The following THSD7A variants were observed in gnomAD, a reference collection of about 807,000 sequenced individuals.
THSD7A encodes thrombospondin type 1 domain containing 7A.
Under a neutral mutation model 231.3 loss-of-function variants are expected in THSD7A, and 96 were observed. That is an observed-to-expected ratio of 0.41 (90% CI 0.35 to 0.49). THSD7A has a LOEUF of 0.49. Ranked by LOEUF, THSD7A falls within the 20% of genes least tolerant of loss-of-function variation. The pLI, the probability that THSD7A is intolerant of heterozygous loss-of-function variation, is 0.05. For missense variants in THSD7A, 2,290 were observed against 2,070.2 expected (o/e 1.11, Z -2.06); for synonymous variants, 940 against 743.3 (o/e 1.26, Z -4.30).
chr7:11,611,840 G>A lies in THSD7A; in HGVS notation c.1023-18338C>T, dbSNP rs868058483. 4.4e-3 allele frequency among the ~76,000 whole-genome samples: 607 copies of A among 139,522 alleles called. 2 individuals carry two copies. The highest frequency in any genetic ancestry group is 6.9e-3 in the Non-Finnish European group (449 of 65,096). 91.5% of individuals were successfully genotyped at this position (139,522 alleles called of 152,430 possible). A position where few individuals can be genotyped will look rare whatever the true frequency, so the allele number is the denominator to read the frequency against. ...CACACACACACACACACTATCATCT[G>A]TCTATCTATCTATCTATCTATCTAT... On this transcript the variant is annotated intron_variant, in intron 2 of 27. Coordinates refer to ENST00000423059, the MANE Select transcript of THSD7A (RefSeq NM_015204.3).
At chr7:11,764,761 G>A (rs1004502334) in intron 1 of THSD7A, among the ~76,000 whole-genome samples, 11 of 151,946 alleles carry the variant, frequency 7.2e-5, no homozygotes, top group African/African-American at 2.7e-4. Context: ...ATATTACTTG[G>A]AAGACTTCAA....
chr7:11,832,042 A>G lies in THSD7A; in HGVS notation c.-96T>C. ...CGTCTTTTCAAAGAGTACAGAAAGC[A>G]AAGCTCTTTCCTGCTATTGTTCGCT... On this transcript the variant is annotated 5_prime_UTR_variant, in exon 1 of 28. Transcript: ENST00000423059. 1.2e-6 allele frequency: 1 copy of G among 842,356 alleles called. No homozygotes were observed. The allele number at this position is 842,356 out of a possible 1,614,324, so 52.2% of individuals were successfully genotyped here.
Position 11,371,204 on chromosome 7 carries a change from C to A in THSD7A, c.*4590G>T, listed in dbSNP as rs1052342265. The A allele has an allele frequency of 2.0e-5, 3 of 152,090 alleles. No individual in the cohort carries two copies. The highest frequency in any genetic ancestry group is 4.4e-5 in the Non-Finnish European group (3 of 68,026). 9.4% of individuals were successfully genotyped at this position (152,090 alleles called of 1,614,324 possible). On this transcript the variant is annotated 3_prime_UTR_variant, in exon 28 of 28. Transcript: ENST00000423059. ...TGTAGACATAACCATTTTTCATTGT[C>A]CCTGCTAGATATAAAATTATTATAA... is the stretch of plus-strand genomic sequence containing the variant.
At chr7:11,741,481 T>G (rs1390295235) in intron 1 of THSD7A, among the ~76,000 whole-genome samples, 1 of 151,914 alleles carries the variant, frequency 6.6e-6, no homozygotes, top group African/African-American at 2.4e-5. Context: ...ATATATGCAC[T>G]GAAAAAATAA....
At chr7:11,452,481 T>C (rs1414909731) in intron 11 of THSD7A, among the ~76,000 whole-genome samples, 7 of 152,082 alleles carry the variant, frequency 4.6e-5, no homozygotes, top group Non-Finnish European at 8.8e-5. Context: ...ACCTTCATTT[T>C]TGATTGATCC....
intron 11 of THSD7A, among the ~76,000 whole-genome samples, chr7:11,450,284 T>G (rs1785103033): frequency 6.6e-6 from 1 of 151,996 alleles, no homozygotes; most frequent in Non-Finnish European, 1.5e-5. Flanking sequence ...CCCATATACC[T>G]GCACTACATA....
chr7:11,539,389 A>C lies in THSD7A; in HGVS notation c.1822+2030T>G, dbSNP rs1257943097. The stretch of plus-strand genomic sequence containing the variant: ...TAATTAATGTCAGGAAATAAAATTT[A>C]ATGGTGGAAAAGATGTCCTGTAAAG... On this transcript the variant is annotated intron_variant, in intron 6 of 27. Transcript: ENST00000423059. Among the ~76,000 whole-genome samples the C allele has an allele frequency of 2.6e-5, 4 of 152,366 alleles. No homozygotes were observed. The East Asian group carries it at 7.7e-4, about 29-fold the overall frequency.
intron 2 of THSD7A, among the ~76,000 whole-genome samples, chr7:11,635,766 C>G (rs1584118739): frequency 6.6e-6 from 1 of 152,082 alleles, no homozygotes; most frequent in South Asian, 2.1e-4. Context: ...TATTAGCTCA[C>G]TAAAATAAGT....
At chr7:11,441,153 C>T (rs1784791554) in intron 13 of THSD7A, among the ~76,000 whole-genome samples, 1 of 151,996 alleles carries the variant, frequency 6.6e-6, no homozygotes, top group Non-Finnish European at 1.5e-5. Flanking sequence ...GTTCTAGGTA[C>T]TTAGGATACA....
intron 2 of THSD7A, among the ~76,000 whole-genome samples, chr7:11,607,308 A>G (rs1780765971): frequency 6.6e-6 from 1 of 152,230 alleles, no homozygotes; most frequent in Non-Finnish European, 1.5e-5. Context: ...ACAGAGGACG[A>G]TGACTGCTGT....
intron 1 of THSD7A, among the ~76,000 whole-genome samples, chr7:11,703,762 G>C (rs1366197613): frequency 3.3e-5 from 5 of 151,126 alleles, no homozygotes; most frequent in Admixed American, 1.3e-4. Context: ...AAATAGACTT[G>C]GATGGACAAT....
intron 23 of THSD7A, among the ~76,000 whole-genome samples, chr7:11,395,522 C>CTT (rs1209808529): frequency 2.5e-4 from 35 of 140,438 alleles, no homozygotes; most frequent in African/African-American, 7.0e-4. Context: ...AATATGCATT[C>CTT]TTTTTTTTTT....
intron 6 of THSD7A, among the ~76,000 whole-genome samples, chr7:11,512,770 G>A (rs1244183124): frequency 9.1e-6 from 1 of 109,472 alleles, no homozygotes; most frequent in East Asian, 3.4e-4. Flanking sequence ...ACACACCCAG[G>A]CCTGTCATGG....
chr7:11,593,113 A>G (rs1780228424), intron 3 of THSD7A, 141 bp downstream of exon 3: 1 of 1,179,098 alleles, frequency 8.5e-7, no homozygotes, highest in Non-Finnish European at 1.2e-6. Context: ...TTCTGTAAAA[A>G]AAGTTTTTTT....
At chr7:11,545,603 A>ATG (rs1789346789) in intron 4 of THSD7A, among the ~76,000 whole-genome samples, 2 of 151,922 alleles carry the variant, frequency 1.3e-5, no homozygotes, top group South Asian at 2.1e-4. Context: ...GCTACTGAGC[A>ATG]TCAAGATCCA....
At chr7:11,472,302 G>T (rs1785969455) in intron 8 of THSD7A, among the ~76,000 whole-genome samples, 1 of 152,088 alleles carries the variant, frequency 6.6e-6, no homozygotes, top group Non-Finnish European at 1.5e-5. Flanking sequence ...AGGAACTGAA[G>T]TTTGTTACCG....
intron 13 of THSD7A, among the ~76,000 whole-genome samples, chr7:11,443,686 CA>C (rs779088641): frequency 6.6e-6 from 1 of 151,840 alleles, no homozygotes; most frequent in South Asian, 2.1e-4. Context: ...GATTGCCCAA[CA>C]ACGTGAATGT....
At chr7:11,464,943 A>C (rs1186053624) in intron 9 of THSD7A, among the ~76,000 whole-genome samples, 1 of 152,146 alleles carries the variant, frequency 6.6e-6, no homozygotes, top group African/African-American at 2.4e-5. Flanking sequence ...CAGAGAGCAG[A>C]AAAAAAGGAA....
chr7:11,685,326 A>T (rs1278714139), intron 1 of THSD7A, among the ~76,000 whole-genome samples: 1 of 151,958 alleles, frequency 6.6e-6, no homozygotes, highest in East Asian at 1.9e-4. Flanking sequence ...TAAAAAATTT[A>T]TGACTAAGTC....
Sources: allele counts gnomAD v4.1 joint callset (sites outside exome capture counted in the v4.1 genomes callset), GRCh38; gene constraint gnomAD v4.1.1; transcripts MANE v1.5; gene names NCBI Gene and HGNC (gene_info 2026-07-23, HGNC 2026-07-21).